The following DLG2 variants were observed in gnomAD, a reference collection of about 807,000 sequenced individuals.
DLG2 encodes the protein discs large MAGUK scaffold protein 2.
DLG2 carries 45 observed loss-of-function variants against 132.5 expected under a neutral mutation model. The observed-to-expected ratio is 0.34, with a 90% CI of 0.27 to 0.44. The LOEUF (loss-of-function observed/expected upper bound fraction) is 0.44. DLG2 is among the 20% of genes least tolerant of loss of function. DLG2 has a pLI of 1.00. For missense variants in DLG2, 1,045 were observed against 1,196.9 expected (o/e 0.87, Z 1.87); for synonymous variants, 424 against 419.6 (o/e 1.01, Z -0.13).
intron 6 of DLG2, among the ~76,000 whole-genome samples, chr11:84,909,895 T>A (rs1334396794): frequency 1.3e-5 from 2 of 152,228 alleles, no homozygotes; most frequent in African/African-American, 4.8e-5. Context: ...AATCCCTGCA[T>A]CCTGCCTCTG....
chr11:84,098,876 T>C (rs368454434), intron 10 of DLG2, 47 bp downstream of exon 10: 120 of 1,595,968 alleles, frequency 7.5e-5, no homozygotes, highest in Non-Finnish European at 9.9e-5. Flanking sequence ...GTCTCATTGA[T>C]GCAGCAGATT....
chr11:85,226,545 C>G (rs1313716039), intron 4 of DLG2, among the ~76,000 whole-genome samples: 4 of 151,744 alleles, frequency 2.6e-5, no homozygotes, highest in Admixed American at 1.3e-4. Flanking sequence ...AGAGCAAGAC[C>G]CTGTCTTTAA....
intron 6 of DLG2, among the ~76,000 whole-genome samples, chr11:84,798,082 C>T (rs576578487): frequency 1.3e-5 from 2 of 152,260 alleles, no homozygotes; most frequent in East Asian, 3.9e-4. Context: ...ACACAAGCAC[C>T]ACTATAGCCA....
intron 3 of DLG2, among the ~76,000 whole-genome samples, chr11:85,529,963 G>A (rs2075068818): frequency 6.6e-6 from 1 of 150,436 alleles, no homozygotes; most frequent in South Asian, 2.1e-4. Flanking sequence ...TAAACTTAGG[G>A]GTAGATCTGC....
At chr11:83,652,565 T>A (rs559771690) in intron 18 of DLG2, among the ~76,000 whole-genome samples, 1 of 152,282 alleles carries the variant, frequency 6.6e-6, no homozygotes, top group East Asian at 1.9e-4. Flanking sequence ...AGAGACGGGG[T>A]TTCACCATGT....
chr11:83,813,983 G>A (rs1402687803), intron 17 of DLG2, among the ~76,000 whole-genome samples: 1 of 152,038 alleles, frequency 6.6e-6, no homozygotes, highest in East Asian at 1.9e-4. Flanking sequence ...ACAGAGTCAG[G>A]ATGCAGACTC....
intron 6 of DLG2, among the ~76,000 whole-genome samples, chr11:84,678,781 C>T (rs953204379): frequency 1.3e-5 from 2 of 152,014 alleles, no homozygotes; most frequent in Non-Finnish European, 2.9e-5. Flanking sequence ...GTCTTTTGAA[C>T]TAGAAATGAA....
chr11:84,975,426 T>G (rs931591998), intron 6 of DLG2, among the ~76,000 whole-genome samples: 7 of 152,194 alleles, frequency 4.6e-5, no homozygotes, highest in Non-Finnish European at 1.0e-4. Context: ...TTTTGCATTT[T>G]CCTTTTACTT....
Position 83,734,403 on chromosome 11 carries a change from CCT to C in DLG2, c.1825+52285_1825+52286del, listed in dbSNP as rs1398888051. ...TCCTTCCTTCCTTCCTTCCTTCCTTCCTTCCCTCCCTCCTTCCCTCCCTCCTT... is the reference window on the plus strand; with the variant it reads ...TCCTTCCTTCCTTCCTTCCTTCCTTCTCCCTCCCTCCTTCCCTCCCTCCTT... On this transcript the variant is annotated intron_variant, in intron 18 of 27. Coordinates refer to ENST00000376104, the MANE Select transcript of DLG2 (RefSeq NM_001142699.3). Among the ~76,000 whole-genome samples, 33 of 144,202 alleles carry C rather than the reference CCT, an allele frequency of 2.3e-4. 1 individual carries two copies. The East Asian group carries it at 3.0e-3, about 13-fold the overall frequency. 94.6% of individuals were successfully genotyped at this position (144,202 alleles called of 152,430 possible). A position where few individuals can be genotyped will look rare whatever the true frequency, so the allele number is the denominator to read the frequency against.
chr11:84,905,569 T>G (rs1283539326), intron 6 of DLG2, among the ~76,000 whole-genome samples: 1 of 152,188 alleles, frequency 6.6e-6, no homozygotes, highest in East Asian at 1.9e-4. Flanking sequence ...ATGAATTATT[T>G]AAGCACAAAC....
At chr11:84,726,795 T>C (rs2062522048) in intron 6 of DLG2, among the ~76,000 whole-genome samples, 1 of 152,220 alleles carries the variant, frequency 6.6e-6, no homozygotes, top group Admixed American at 6.5e-5. Context: ...GACTTTTTAA[T>C]GATTGCCATT....
intron 3 of DLG2, among the ~76,000 whole-genome samples, chr11:85,290,923 T>A (rs1350172442): frequency 1.3e-5 from 2 of 152,050 alleles, no homozygotes; most frequent in Admixed American, 1.3e-4. Flanking sequence ...TTCAAGCACA[T>A]CCTTAAAAAC....
At chr11:85,457,888 G>A (rs1042492853) in intron 3 of DLG2, among the ~76,000 whole-genome samples, 2 of 151,930 alleles carry the variant, frequency 1.3e-5, no homozygotes, top group Non-Finnish European at 2.9e-5. Flanking sequence ...TTTCAATGTT[G>A]AAGAATCTGA....
rs1172984554 is a variant in DLG2, at chr11:84,908,914, GA to G, written c.357+202746del. Among the ~76,000 whole-genome samples, 5 of 151,744 alleles carry G rather than the reference GA, an allele frequency of 3.3e-5. No homozygotes were observed. The East Asian group carries it at 9.9e-4, about 30-fold the overall frequency. Reference sequence around the variant, plus strand: ...ATTAGTATCCCATCTTACAGCTGAAGAAACAAAGGCTAAGACTGGCTAAATA... The same window carrying G: ...ATTAGTATCCCATCTTACAGCTGAAGAACAAAGGCTAAGACTGGCTAAATA... On this transcript the variant is annotated intron_variant, in intron 6 of 27. Coordinates refer to ENST00000376104, the MANE Select transcript of DLG2 (RefSeq NM_001142699.3).
Position 84,477,798 on chromosome 11 carries a change from G to A in DLG2, c.519+56772C>T, listed in dbSNP as rs146884641. On this transcript the variant is annotated intron_variant, in intron 7 of 27. Coordinates refer to ENST00000376104, the MANE Select transcript of DLG2 (RefSeq NM_001142699.3). Reference sequence around the variant, plus strand: ...AGAGACATACGAGAATCAGAGGATAGATGAGAGTATGTGCTGAAGTTAAAC... The same window carrying A: ...AGAGACATACGAGAATCAGAGGATAAATGAGAGTATGTGCTGAAGTTAAAC... Among the ~76,000 whole-genome samples the A allele has an allele frequency of 1.5e-4, 23 of 152,288 alleles. No individual in the cohort carries two copies. In the East Asian group the frequency reaches 4.4e-3, roughly 29 times the overall value.
chr11:84,230,162 C>T (rs1176855451), intron 8 of DLG2, among the ~76,000 whole-genome samples: 1 of 152,128 alleles, frequency 6.6e-6, no homozygotes, highest in Non-Finnish European at 1.5e-5. Flanking sequence ...CATGATAGAA[C>T]AGTAAACTTC....
chr11:83,539,773 T>C (rs973606374), intron 20 of DLG2, among the ~76,000 whole-genome samples: 1 of 152,142 alleles, frequency 6.6e-6, no homozygotes, highest in African/African-American at 2.4e-5. Context: ...ATACTCTGGT[T>C]GTTAAGATGG....
rs1347422606 is a variant in DLG2 at position 85,141,181 on chromosome 11, A to G, written c.282+13375T>C. ...AGTGGATGTACTAATTTATACTCCC[A>G]TAAACAGTGTATGAGGGTTACCCTT... On this transcript the variant is annotated intron_variant, in intron 5 of 27. Coordinates refer to ENST00000376104, the MANE Select transcript of DLG2 (RefSeq NM_001142699.3). 2.6e-5 allele frequency among the ~76,000 whole-genome samples: 4 copies of G among 152,024 alleles called. 1 individual carries two copies. Among genetic ancestry groups the G allele is most frequent in the South Asian group, 4.1e-4 (2 of 4,826 alleles).
intron 6 of DLG2, among the ~76,000 whole-genome samples, chr11:84,660,899 G>A (rs867288490): frequency 1.4e-4 from 21 of 151,990 alleles, no homozygotes; most frequent in African/African-American, 5.1e-4. Flanking sequence ...ATGTTTCATC[G>A]CATGTTATAA....
Sources: allele counts gnomAD v4.1 joint callset (sites outside exome capture counted in the v4.1 genomes callset), GRCh38; gene constraint gnomAD v4.1.1; transcripts MANE v1.5; gene names NCBI Gene and HGNC (gene_info 2026-07-23, HGNC 2026-07-21).